FBXW11: variants seen among roughly 807,000 people sequenced by gnomAD.
FBXW11 encodes the protein F-box and WD repeat domain containing 11.
In FBXW11, 19 loss-of-function variants were observed where a neutral mutation model predicts 77.6. That is an observed-to-expected ratio of 0.24 (90% CI 0.17 to 0.36). The LOEUF is 0.36. Ranked by LOEUF, FBXW11 falls within the 10% of genes least tolerant of loss-of-function variation. FBXW11 has a pLI of 1.00. For missense variants in FBXW11, 334 were observed against 704.2 expected (o/e 0.47, Z 5.95); for synonymous variants, 235 against 249.4 (o/e 0.94, Z 0.54).
chr5:171,958,945 T>C (rs1763756853), intron 1 of FBXW11, among the ~76,000 whole-genome samples: 1 of 151,858 alleles, frequency 6.6e-6, no homozygotes, highest in South Asian at 2.1e-4. Context: ...CCTCATAACT[T>C]TCACTCTCAA....
chr5:171,897,695 T>A (rs920309059), intron 6 of FBXW11, among the ~76,000 whole-genome samples: 1 of 152,092 alleles, frequency 6.6e-6, no homozygotes, highest in Admixed American at 6.6e-5. Context: ...TTTCAAAGAA[T>A]TTTTTTGATA....
In FBXW11 at chr5:171,953,632, A is replaced by G. The variant is rs1262172825; in HGVS notation, c.147+3965T>C. On this transcript the variant is annotated intron_variant, in intron 2 of 13. Coordinates refer to ENST00000517395, the MANE Select transcript of FBXW11 (RefSeq NM_001378974.1). ...AAAAATGGATTTCATACCCCCCAAG[A>G]GTAAGAATCAGTAAGAGGTGGCAAT... is the stretch of plus-strand genomic sequence containing the variant. Among the ~76,000 whole-genome samples the G allele has an allele frequency of 2.0e-5, 3 of 152,190 alleles. 1 individual carries two copies. The highest frequency in any genetic ancestry group is 4.2e-4 in the South Asian group (2 of 4,818).
intron 1 of FBXW11, chr5:172,003,400 T>C (rs914481292): frequency 2.0e-5 from 3 of 152,234 alleles, no homozygotes; most frequent in Non-Finnish European, 2.9e-5. Flanking sequence ...ATGAAGTCCA[T>C]TGAACATAGC....
At chr5:171,980,686 G>T (rs1036053806) in intron 1 of FBXW11, among the ~76,000 whole-genome samples, 1 of 152,184 alleles carries the variant, frequency 6.6e-6, no homozygotes, top group African/African-American at 2.4e-5. Context: ...GCCAATTGCT[G>T]ACTAGGATGT....
chr5:171,871,880 C>G (rs1280302372), intron 10 of FBXW11, among the ~76,000 whole-genome samples: 1 of 152,180 alleles, frequency 6.6e-6, no homozygotes, highest in Non-Finnish European at 1.5e-5. Context: ...CTTCTATAAG[C>G]TGGAGAGTAA....
At chr5:171,993,516 G>C (rs762193984) in intron 1 of FBXW11, among the ~76,000 whole-genome samples, 13 of 152,106 alleles carry the variant, frequency 8.5e-5, no homozygotes, top group Non-Finnish European at 1.6e-4. Context: ...AGAAGGCTGA[G>C]GCAGGAGAAT....
intron 1 of FBXW11, among the ~76,000 whole-genome samples, chr5:171,965,079 A>C (rs10068589): frequency 0.8 from 120,984 of 152,170 alleles, 51,563 homozygotes; most frequent in East Asian, 0.97. Context: ...AGGAAAACCA[A>C]AATTTACTAT....
At chr5:171,877,884 A>C (rs1056085189) in intron 8 of FBXW11, 127 bp downstream of exon 8, 9 of 738,000 alleles carry the variant, frequency 1.2e-5, no homozygotes, top group Non-Finnish European at 1.8e-5. Context: ...TGTCTACAAT[A>C]AAAGTAGTTT....
At chr5:171,947,099 C>A (rs1344793469) in intron 2 of FBXW11, among the ~76,000 whole-genome samples, 2 of 152,128 alleles carry the variant, frequency 1.3e-5, no homozygotes, top group Non-Finnish European at 2.9e-5. Context: ...CAGGCGTGAG[C>A]CACTGCACCT....
At chr5:171,990,105 G>A (rs1224966403) in intron 1 of FBXW11, among the ~76,000 whole-genome samples, 1 of 151,748 alleles carries the variant, frequency 6.6e-6, no homozygotes, top group Non-Finnish European at 1.5e-5. Flanking sequence ...GAGTAAGAGA[G>A]GGAAGGAGAA....
In FBXW11 at chr5:171,987,663, G is replaced by C. The variant is rs1373864843; in HGVS notation, c.45+18795C>G. ...AGACGGGGTTTCGCCATGTTGGTCA[G>C]TCTGGTCTCAAACTCCTGACCTCAG... On this transcript the variant is annotated intron_variant, in intron 1 of 13. Coordinates refer to ENST00000517395, the MANE Select transcript of FBXW11 (RefSeq NM_001378974.1). Among the ~76,000 whole-genome samples, 4 of 152,094 alleles carry C rather than the reference G, an allele frequency of 2.6e-5. No homozygotes were observed. The South Asian group carries it at 8.3e-4, about 32-fold the overall frequency.
chr5:171,915,893 G>A (rs1185904627), intron 2 of FBXW11, among the ~76,000 whole-genome samples: 5 of 152,118 alleles, frequency 3.3e-5, no homozygotes, highest in South Asian at 2.1e-4. Context: ...TACACACCAC[G>A]GAATACTATG....
intron 13 of FBXW11, among the ~76,000 whole-genome samples, chr5:171,865,050 A>C (rs1757301666): frequency 1.3e-5 from 2 of 152,016 alleles, no homozygotes; most frequent in Non-Finnish European, 1.5e-5. Context: ...GTCAATTTAC[A>C]CAAAGATCAA....
chr5:171,895,493 C>A (rs1385219649), intron 6 of FBXW11, among the ~76,000 whole-genome samples: 8 of 152,208 alleles, frequency 5.3e-5, no homozygotes, highest in Admixed American at 2.6e-4. Flanking sequence ...TGTGATACAA[C>A]ACACCATCAT....
intron 1 of FBXW11, among the ~76,000 whole-genome samples, chr5:171,987,294 A>G (rs1199243416): frequency 6.6e-6 from 1 of 152,180 alleles, no homozygotes; most frequent in Non-Finnish European, 1.5e-5. Context: ...AATACACAGA[A>G]TTACTTACTT....
At chr5:171,866,300 T>C (rs1757387534) in intron 13 of FBXW11, among the ~76,000 whole-genome samples, 1 of 151,068 alleles carries the variant, frequency 6.6e-6, no homozygotes, top group African/African-American at 2.4e-5. Context: ...AAAAGAGCAG[T>C]AAAATCTATA....
At chr5:171,975,166 T>A (rs775196062) in intron 1 of FBXW11, among the ~76,000 whole-genome samples, 3 of 152,202 alleles carry the variant, frequency 2.0e-5, no homozygotes, top group Non-Finnish European at 4.4e-5. Flanking sequence ...GTACAAGACC[T>A]GCTATATTAA....
At chr5:171,905,549 T>C (rs1760428985) in intron 4 of FBXW11, among the ~76,000 whole-genome samples, 1 of 151,544 alleles carries the variant, frequency 6.6e-6, no homozygotes, top group Non-Finnish European at 1.5e-5. Flanking sequence ...TGTTACCTTC[T>C]GCAGAAAAAA....
At chr5:171,944,877 T>C (rs1308465823) in intron 2 of FBXW11, among the ~76,000 whole-genome samples, 2 of 152,204 alleles carry the variant, frequency 1.3e-5, no homozygotes, top group African/African-American at 2.4e-5. Flanking sequence ...CAAATAATAT[T>C]ATACCAGATA....
Sources: allele counts gnomAD v4.1 joint callset (sites outside exome capture counted in the v4.1 genomes callset), GRCh38; gene constraint gnomAD v4.1.1; transcripts MANE v1.5; gene names NCBI Gene and HGNC (gene_info 2026-07-23, HGNC 2026-07-21).